SAMTOR: variants seen among roughly 807,000 people sequenced by gnomAD.
SAMTOR encodes UPF0532 protein C7orf60.
At chr7:112,925,139 T>C in the SAMTOR span, among the ~76,000 whole-genome samples, 1 of 152,200 alleles carries the variant, frequency 6.6e-6, no homozygotes, top group East Asian at 1.9e-4. Flanking sequence ...ATCAAGTCTC[T>C]AAATAGAACT....
chr7:112,885,923 A>G, the SAMTOR span, among the ~76,000 whole-genome samples: 1 of 152,176 alleles, frequency 6.6e-6, no homozygotes, highest in African/African-American at 2.4e-5. Flanking sequence ...AGACTGGGTA[A>G]CTTATAAAGG....
chr7:112,835,926 A>T, the SAMTOR span, among the ~76,000 whole-genome samples: 1 of 152,096 alleles, frequency 6.6e-6, no homozygotes, highest in South Asian at 2.1e-4. Flanking sequence ...TGCTATTGTG[A>T]ACTGTGCCGT....
At chr7:112,911,555 G>A in the SAMTOR span, among the ~76,000 whole-genome samples, 1 of 151,954 alleles carries the variant, frequency 6.6e-6, no homozygotes, top group Non-Finnish European at 1.5e-5. Context: ...AGGAAAAAAT[G>A]ACCCATAACC....
At chr7:112,891,901 T>C in the SAMTOR span, among the ~76,000 whole-genome samples, 1 of 152,192 alleles carries the variant, frequency 6.6e-6, no homozygotes, top group Non-Finnish European at 1.5e-5. Flanking sequence ...GCTATCAGAA[T>C]TTCTAAAAAT....
At chr7:112,868,866 A>G in the SAMTOR span, among the ~76,000 whole-genome samples, 4 of 152,292 alleles carry the variant, frequency 2.6e-5, no homozygotes, top group South Asian at 2.1e-4. Context: ...TATTTCTCCT[A>G]CGTGGTTTGA....
chr7:112,920,982 G>A, the SAMTOR span, among the ~76,000 whole-genome samples: 2 of 152,126 alleles, frequency 1.3e-5, no homozygotes, highest in African/African-American at 4.8e-5. Flanking sequence ...CCATGCTCAT[G>A]GATAGGAAGA....
the SAMTOR span, among the ~76,000 whole-genome samples, chr7:112,834,469 C>A: frequency 6.6e-6 from 1 of 151,308 alleles, no homozygotes; most frequent in Non-Finnish European, 1.5e-5. Flanking sequence ...TCTGGTGTTT[C>A]ACCTTTTGTG....
chr7:112,899,343 G>T, the SAMTOR span, among the ~76,000 whole-genome samples: 1 of 151,746 alleles, frequency 6.6e-6, no homozygotes, highest in African/African-American at 2.4e-5. Context: ...GCAGAAGAAA[G>T]AATTAGCTTA....
chr7:112,927,621 G>A, the SAMTOR span, among the ~76,000 whole-genome samples: 3 of 152,108 alleles, frequency 2.0e-5, no homozygotes, highest in East Asian at 5.8e-4. Context: ...AAAGAGACAG[G>A]TACAAGGGGA....
the SAMTOR span, among the ~76,000 whole-genome samples, chr7:112,882,517 C>T: frequency 6.6e-6 from 1 of 151,968 alleles, no homozygotes; most frequent in Admixed American, 6.6e-5. Flanking sequence ...GGTGAAACCC[C>T]ATCTCTACTA....
At chr7:112,918,960 G>A in the SAMTOR span, among the ~76,000 whole-genome samples, 11 of 152,262 alleles carry the variant, frequency 7.2e-5, no homozygotes, top group East Asian at 2.1e-3. Flanking sequence ...AGTCCTGAGT[G>A]ACCTACAAAG....
At chr7:112,823,236 TC>T in the SAMTOR span, among the ~76,000 whole-genome samples, 1 of 152,184 alleles carries the variant, frequency 6.6e-6, no homozygotes, top group Non-Finnish European at 1.5e-5. Context: ...CTTTTCTTCT[TC>T]CCTTTTTCTT....
chr7:112,866,240 CAATAT>C, the SAMTOR span, among the ~76,000 whole-genome samples: 1 of 152,004 alleles, frequency 6.6e-6, no homozygotes, highest in African/African-American at 2.4e-5. Context: ...GAACCATACA[CAATAT>C]AATAAATGTA....
At chr7:112,915,329 T>C in the SAMTOR span, 11 of 1,612,610 alleles carry the variant, frequency 6.8e-6, no homozygotes, top group Non-Finnish European at 9.3e-6. Context: ...CAATACGACC[T>C]TCGCCCTCAC....
the SAMTOR span, among the ~76,000 whole-genome samples, chr7:112,933,784 C>A: frequency 1.6e-4 from 25 of 152,262 alleles, no homozygotes; most frequent in African/African-American, 5.8e-4. Flanking sequence ...CTCAGATCCA[C>A]CAAATTGCTT....
At chr7:112,922,889 GCCC>G in the SAMTOR span, among the ~76,000 whole-genome samples, 9 of 96,462 alleles carry the variant, frequency 9.3e-5, no homozygotes, top group Admixed American at 5.7e-4. Context: ...GGGGGGGTCA[GCCC>G]CCCCCCCCCG....
chr7:112,921,134 A>G, the SAMTOR span, among the ~76,000 whole-genome samples: 3 of 152,160 alleles, frequency 2.0e-5, no homozygotes, highest in South Asian at 2.1e-4. Context: ...AGCCCGCATC[A>G]CCAAGTCAAC....
the SAMTOR span, among the ~76,000 whole-genome samples, chr7:112,901,361 C>A: frequency 6.6e-6 from 1 of 152,320 alleles, no homozygotes; most frequent in Admixed American, 6.5e-5. Context: ...TGTGAGGGAT[C>A]TAGGCTGCAC....
the SAMTOR span, among the ~76,000 whole-genome samples, chr7:112,914,359 T>C: frequency 5.3e-5 from 8 of 151,172 alleles, no homozygotes; most frequent in African/African-American, 1.2e-4. Context: ...GTTTGGTATA[T>C]AGATTATTTC....
Sources: allele counts gnomAD v4.1 joint callset (sites outside exome capture counted in the v4.1 genomes callset), GRCh38; gene constraint gnomAD v4.1.1; transcripts MANE v1.5; gene names NCBI Gene and HGNC (gene_info 2026-07-23, HGNC 2026-07-21).